The following BRD10 variants were observed in gnomAD, a reference collection of about 807,000 sequenced individuals.
BRD10 encodes bromodomain containing 10, also known as uncharacterized bromodomain-containing protein 10.
the BRD10 span, among the ~76,000 whole-genome samples, chr9:5,987,982 G>C: frequency 2.0e-5 from 3 of 152,124 alleles, no homozygotes; most frequent in Non-Finnish European, 4.4e-5. Context: ...TTTATGTCAT[G>C]CTTGAACTAC....
At chr9:5,910,907 C>T in the BRD10 span, among the ~76,000 whole-genome samples, 1 of 152,178 alleles carries the variant, frequency 6.6e-6, no homozygotes, top group African/African-American at 2.4e-5. Context: ...TGGGTCATTA[C>T]ATCACCACTG....
chr9:5,994,901 C>CTTTTTTTTCTTT, the BRD10 span, among the ~76,000 whole-genome samples: 3 of 141,688 alleles, frequency 2.1e-5, no homozygotes, highest in African/African-American at 7.8e-5. Flanking sequence ...TATCATTTTT[C>CTTTTTTTTCTTT]TTTTTTTTTT....
the BRD10 span, among the ~76,000 whole-genome samples, chr9:5,895,562 T>C: frequency 6.6e-6 from 1 of 152,200 alleles, no homozygotes; most frequent in African/African-American, 2.4e-5. Flanking sequence ...AAGGACTACA[T>C]ACCTGCTTTG....
chr9:5,947,797 A>G, the BRD10 span, among the ~76,000 whole-genome samples: 3 of 152,200 alleles, frequency 2.0e-5, no homozygotes, highest in Admixed American at 6.5e-5. Context: ...TGTTTTTAAA[A>G]ACAGAATCAA....
the BRD10 span, among the ~76,000 whole-genome samples, chr9:6,006,384 C>T: frequency 6.6e-6 from 1 of 152,218 alleles, no homozygotes; most frequent in Non-Finnish European, 1.5e-5. Flanking sequence ...ATACCAAAAA[C>T]ATTGAATTTT....
At chr9:5,932,403 G>A in the BRD10 span, among the ~76,000 whole-genome samples, 1 of 151,838 alleles carries the variant, frequency 6.6e-6, no homozygotes, top group East Asian at 1.9e-4. Context: ...TCCAACCACA[G>A]ATATAAAATA....
chr9:5,906,844 ACTT>A, the BRD10 span: 1 of 1,294,756 alleles, frequency 7.7e-7, no homozygotes, highest in South Asian at 1.5e-5. Flanking sequence ...GGATTCAGTT[ACTT>A]CTTCTCACCC....
At chr9:6,007,274 G>A in the BRD10 span, 4 of 1,613,900 alleles carry the variant, frequency 2.5e-6, no homozygotes, top group Non-Finnish European at 3.4e-6. Flanking sequence ...TCCACTCCGT[G>A]CAGGCGGTAG....
the BRD10 span, among the ~76,000 whole-genome samples, chr9:5,999,583 T>A: frequency 1.3e-5 from 2 of 152,140 alleles, no homozygotes; most frequent in Admixed American, 6.5e-5. Flanking sequence ...TAGCACAGCA[T>A]ATTAGGCCCT....
chr9:5,890,490 T>A, the BRD10 span, among the ~76,000 whole-genome samples: 1 of 152,156 alleles, frequency 6.6e-6, no homozygotes, highest in Non-Finnish European at 1.5e-5. Flanking sequence ...ATAGTGGGTT[T>A]CCATCTATGT....
At chr9:6,007,981 A>C in the BRD10 span, 36 of 1,267,278 alleles carry the variant, frequency 2.8e-5, no homozygotes, top group East Asian at 1.4e-4. Context: ...GCGGGGTTAC[A>C]TGGCGCGCGA....
the BRD10 span, among the ~76,000 whole-genome samples, chr9:5,973,751 A>G: frequency 6.6e-6 from 1 of 152,038 alleles, no homozygotes; most frequent in Non-Finnish European, 1.5e-5. Context: ...GTGTGGTGGC[A>G]CAGGCCTGTG....
the BRD10 span, among the ~76,000 whole-genome samples, chr9:5,965,679 A>G: frequency 1.3e-5 from 2 of 152,226 alleles, no homozygotes; most frequent in African/African-American, 4.8e-5. Context: ...AAACAAATCT[A>G]TTATCAGTTT....
the BRD10 span, among the ~76,000 whole-genome samples, chr9:5,903,740 C>T: frequency 2.0e-5 from 3 of 152,140 alleles, no homozygotes; most frequent in Non-Finnish European, 4.4e-5. Context: ...ACACCTTTAT[C>T]GTTATGTAAT....
chr9:5,974,862 C>T, the BRD10 span, among the ~76,000 whole-genome samples: 1 of 152,072 alleles, frequency 6.6e-6, no homozygotes, highest in Non-Finnish European at 1.5e-5. Flanking sequence ...GAAGGTCTTA[C>T]CTTGGTAGTA....
the BRD10 span, among the ~76,000 whole-genome samples, chr9:5,917,035 A>G: frequency 3.3e-5 from 5 of 152,232 alleles, no homozygotes; most frequent in African/African-American, 9.6e-5. Flanking sequence ...TTAGTTTTAA[A>G]AAGTAAACTA....
At chr9:5,967,705 A>AAC in the BRD10 span, among the ~76,000 whole-genome samples, 40 of 151,372 alleles carry the variant, frequency 2.6e-4, no homozygotes, top group East Asian at 5.4e-3. Flanking sequence ...AAAAAAAAAA[A>AAC]AAAAAACACA....
chr9:5,890,208 C>A, the BRD10 span, among the ~76,000 whole-genome samples: 1 of 152,204 alleles, frequency 6.6e-6, no homozygotes, highest in Middle Eastern at 3.4e-3. Flanking sequence ...GTGAGATATG[C>A]CTCCCTCAAA....
chr9:5,908,699 T>C, the BRD10 span: 12 of 1,613,888 alleles, frequency 7.4e-6, no homozygotes, highest in African/African-American at 8.0e-5. Flanking sequence ...CACCACCTTA[T>C]TCACCTTAAG....
Sources: gnomAD v4.1 joint callset for allele counts (sites outside exome capture counted in the v4.1 genomes callset) on GRCh38, gnomAD v4.1.1 for gene constraint, MANE v1.5 for transcripts, NCBI Gene and HGNC (gene_info 2026-07-23, HGNC 2026-07-21) for gene names.